NRIP1: variants seen among roughly 807,000 people sequenced by gnomAD.
NRIP1 encodes the protein nuclear receptor interacting protein 1.
NRIP1 carries 28 observed loss-of-function variants against 75.0 expected under a neutral mutation model. The observed-to-expected ratio is 0.37, with a 90% confidence interval of 0.28 to 0.51. The LOEUF (loss-of-function observed/expected upper bound fraction) is 0.51, where lower values mean the gene tolerates loss of function less well. NRIP1 is among the 20% of genes least tolerant of loss of function. The probability of loss-of-function intolerance (pLI) is 0.92; values close to 1 mark genes in which losing one functional copy is unlikely to be tolerated. For missense variants in NRIP1, 1,435 were observed against 1,343.7 expected (o/e 1.07, Z -1.06); for synonymous variants, 526 against 487.6 (o/e 1.08, Z -1.04).
chr21:14,971,957 C>T (rs1049896245), intron 3 of NRIP1, among the ~76,000 whole-genome samples: 2 of 152,100 alleles, frequency 1.3e-5, no homozygotes, highest in Admixed American at 6.6e-5. Flanking sequence ...TCCTATAAAA[C>T]GTACCAATTA....
chr21:14,981,806 T>C (rs1184381133), intron 3 of NRIP1, among the ~76,000 whole-genome samples: 2 of 151,970 alleles, frequency 1.3e-5, no homozygotes, highest in Non-Finnish European at 2.9e-5. Flanking sequence ...TGTGGAATAG[T>C]ACATATATAC....
intron 2 of NRIP1, among the ~76,000 whole-genome samples, chr21:15,028,840 G>A (rs938058262): frequency 1.3e-5 from 2 of 151,334 alleles, no homozygotes; most frequent in African/African-American, 2.4e-5. Flanking sequence ...ATATACATTG[G>A]TCCAAAAAGT....
intron 1 of NRIP1, among the ~76,000 whole-genome samples, chr21:15,064,360 G>C (rs906851921): frequency 2.6e-5 from 4 of 152,212 alleles, no homozygotes; most frequent in African/African-American, 7.2e-5. Flanking sequence ...ACAGCAGGAC[G>C]GAGAGCGGCG....
At chr21:15,049,528 T>A (rs575633902) in intron 1 of NRIP1, among the ~76,000 whole-genome samples, 1 of 152,146 alleles carries the variant, frequency 6.6e-6, no homozygotes, top group Admixed American at 6.5e-5. Flanking sequence ...TTGAAGTTAC[T>A]GGAGAAAAGA....
chr21:15,024,445 A>C (rs967485656), intron 2 of NRIP1, among the ~76,000 whole-genome samples: 3 of 151,960 alleles, frequency 2.0e-5, no homozygotes, highest in Admixed American at 6.5e-5. Flanking sequence ...GGGAGGCTGA[A>C]GCAGGAGAAT....
rs1342631867 is a variant in NRIP1 at position 14,964,289 on chromosome 21, T to C, written c.*427A>G. 1 of 153,116 alleles carries C rather than the reference T, an allele frequency of 6.5e-6. No homozygotes were observed. The highest frequency in any genetic ancestry group is 1.9e-4 in the East Asian group (1 of 5,204). The allele number at this position is 153,116 out of a possible 1,614,324, so 9.5% of individuals were successfully genotyped here. A position where few individuals can be genotyped will look rare whatever the true frequency, so the allele number is the denominator to read the frequency against. On this transcript the variant is annotated 3_prime_UTR_variant, in exon 4 of 4. Transcript: ENST00000318948. The stretch of plus-strand genomic sequence containing the variant: ...TAGGTTTTTTTTTATTGGATAATTA[T>C]CCTTTAAAGAGTTGTTTAACAGTTT...
At chr21:15,024,101 T>C (rs2088448630) in intron 2 of NRIP1, among the ~76,000 whole-genome samples, 1 of 152,226 alleles carries the variant, frequency 6.6e-6, no homozygotes, top group African/African-American at 2.4e-5. Context: ...TATGATCTCA[T>C]AGTAGGAAAC....
chr21:14,977,734 T>C (rs976709340), intron 3 of NRIP1, among the ~76,000 whole-genome samples: 1 of 152,212 alleles, frequency 6.6e-6, no homozygotes, highest in African/African-American at 2.4e-5. Flanking sequence ...TCAAAATTAA[T>C]ATATGTCTTT....
At chr21:15,020,594 C>A (rs1043899057) in intron 2 of NRIP1, among the ~76,000 whole-genome samples, 1 of 152,034 alleles carries the variant, frequency 6.6e-6, no homozygotes, top group Non-Finnish European at 1.5e-5. Flanking sequence ...AATGGAATGT[C>A]ATCAAATTGA....
chr21:15,043,044 G>GC (rs2088992085), intron 2 of NRIP1, among the ~76,000 whole-genome samples: 1 of 152,146 alleles, frequency 6.6e-6, no homozygotes, highest in South Asian at 2.1e-4. Flanking sequence ...TCTGTCCACG[G>GC]ACTCTGATGA....
chr21:15,024,877 C>T lies in NRIP1; in HGVS notation c.-457-10411G>A, dbSNP rs991659643. 2.6e-5 allele frequency among the ~76,000 whole-genome samples: 4 copies of T among 152,004 alleles called. 1 individual carries two copies. Among genetic ancestry groups the T allele is most frequent in the South Asian group, 4.1e-4 (2 of 4,826 alleles). On this transcript the variant is annotated intron_variant, in intron 2 of 3. Coordinates refer to ENST00000318948, the MANE Select transcript of NRIP1 (RefSeq NM_003489.4). ...ACGAAAGGTATGAACTCGCATTTCA[C>T]GAAAGAATACACTAATGGTGAATAA...
chr21:15,024,410 CA>C (rs576657204), intron 2 of NRIP1, among the ~76,000 whole-genome samples: 169 of 152,140 alleles, frequency 1.1e-3, no homozygotes, highest in African/African-American at 3.9e-3. Context: ...GGTGTGGTGG[CA>C]GTCACCTGTA....
In NRIP1 at chr21:15,019,406, C is replaced by A. The variant is rs1423356705; in HGVS notation, c.-457-4940G>T. ...TAACTCTAAGGACTCTACAAGAAAC[C>A]CAAAATAATTAATAAAAAAAAGTTC... On this transcript the variant is annotated intron_variant, in intron 2 of 3. Transcript: ENST00000318948. 4.2e-5 allele frequency among the ~76,000 whole-genome samples: 6 copies of A among 143,922 alleles called. No individual in the cohort carries two copies. In the East Asian group the frequency reaches 1.2e-3, roughly 30 times the overall value. The allele number at this position is 143,922 out of a possible 152,430, so 94.4% of individuals were successfully genotyped here.
intron 3 of NRIP1, among the ~76,000 whole-genome samples, chr21:14,977,417 A>C (rs1352747594): frequency 6.6e-6 from 1 of 152,216 alleles, no homozygotes; most frequent in Non-Finnish European, 1.5e-5. Context: ...ATTTTATCCG[A>C]AGGGATGAAA....
intron 2 of NRIP1, among the ~76,000 whole-genome samples, chr21:15,038,662 AACT>A (rs1555889982): frequency 6.6e-6 from 1 of 152,086 alleles, no homozygotes; most frequent in Non-Finnish European, 1.5e-5. Context: ...TGATGAAAAA[AACT>A]ACTTTCAAAT....
At chr21:15,041,199 A>C (rs2088945543) in intron 2 of NRIP1, among the ~76,000 whole-genome samples, 1 of 152,132 alleles carries the variant, frequency 6.6e-6, no homozygotes. Context: ...AACATGGATG[A>C]CTCTTACAGA....
rs1037050533 is a variant in NRIP1 at position 14,961,385 on chromosome 21, T to C, written c.*3331A>G. 6.6e-6 allele frequency: 1 copy of C among 152,444 alleles called. No individual in the cohort carries two copies. Among genetic ancestry groups the C allele is most frequent in the Non-Finnish European group, 1.5e-5 (1 of 67,904 alleles). 9.4% of individuals were successfully genotyped at this position (152,444 alleles called of 1,614,324 possible). ...AATTTCTAATAAAAATGGCAAATTA[T>C]ATTACTGAGCAGATCGCATCAAATT... On this transcript the variant is annotated 3_prime_UTR_variant, in exon 4 of 4. Coordinates refer to ENST00000318948, the MANE Select transcript of NRIP1 (RefSeq NM_003489.4).
At chr21:15,045,723 T>A (rs1215052509) in intron 1 of NRIP1, among the ~76,000 whole-genome samples, 1 of 152,372 alleles carries the variant, frequency 6.6e-6, no homozygotes, top group African/African-American at 2.4e-5. Flanking sequence ...CACAGTAGAA[T>A]ATCTTTCTAG....
At chr21:15,012,619 A>G (rs28574812) in intron 3 of NRIP1, among the ~76,000 whole-genome samples, 41,607 of 151,668 alleles carry the variant, frequency 0.27, 7,830 homozygotes, top group African/African-American at 0.53. Context: ...CACCTGGCTA[A>G]TATTTGTATT....
Sources: allele counts gnomAD v4.1 joint callset (sites outside exome capture counted in the v4.1 genomes callset), GRCh38; gene constraint gnomAD v4.1.1; transcripts MANE v1.5; gene names NCBI Gene and HGNC (gene_info 2026-07-23, HGNC 2026-07-21).